SHANK2: variants seen among roughly 807,000 people sequenced by gnomAD.
SHANK2 encodes the protein SH3 and multiple ankyrin repeat domains 2.
A neutral mutation model predicts 133.7 loss-of-function variants in SHANK2; 43 were observed. The ratio of observed to expected loss-of-function variants is 0.32; its 90% CI spans 0.25 to 0.41. The LOEUF is 0.41. Ranked by LOEUF, SHANK2 falls within the 10% of genes least tolerant of loss-of-function variation. The pLI is 1.00. For synonymous variants in SHANK2, 1,017 were observed against 952.8 expected, an observed-to-expected ratio of 1.07 and a Z score of -1.24; for missense variants, 1,994 against 2,235.8, an observed-to-expected ratio of 0.89 and a Z score of 2.18.
chr11:70,644,786 T>C (rs1200458499), intron 17 of SHANK2, among the ~76,000 whole-genome samples: 3 of 152,210 alleles, frequency 2.0e-5, no homozygotes, highest in African/African-American at 7.2e-5. Context: ...TTCCTTCCTT[T>C]ATGCATTCAG....
chr11:70,811,162 T>A (rs1177714401), intron 12 of SHANK2, among the ~76,000 whole-genome samples: 1 of 151,746 alleles, frequency 6.6e-6, no homozygotes, highest in East Asian at 1.9e-4. Flanking sequence ...AAAGGGTGGG[T>A]CAAAGTCTAG....
intron 14 of SHANK2, among the ~76,000 whole-genome samples, chr11:70,766,347 A>G (rs1555041375): frequency 6.6e-6 from 1 of 152,146 alleles, no homozygotes; most frequent in African/African-American, 2.4e-5. Context: ...TGTGTCATGT[A>G]AGCCATGTTC....
intron 19 of SHANK2, 92 bp downstream of exon 19, chr11:70,502,114 G>A: frequency 1.4e-6 from 2 of 1,414,750 alleles, no homozygotes; most frequent in South Asian, 1.2e-5. Context: ...TAGCGAGCAA[G>A]CGTGGGGTCA....
At chr11:70,931,213 G>A (rs2135800780) in intron 10 of SHANK2, among the ~76,000 whole-genome samples, 2 of 152,300 alleles carry the variant, frequency 1.3e-5, no homozygotes, top group East Asian at 3.9e-4. Flanking sequence ...GGGGCTGCAG[G>A]GAGGGAGGTT....
intron 2 of SHANK2, among the ~76,000 whole-genome samples, chr11:71,223,521 C>A (rs925989006): frequency 2.6e-5 from 4 of 152,188 alleles, no homozygotes; most frequent in African/African-American, 9.7e-5. Context: ...GTATCATACA[C>A]AATCTGGAGA....
intron 22 of SHANK2, among the ~76,000 whole-genome samples, 161 bp downstream of exon 22, chr11:70,492,174 A>T (rs2058895525): frequency 6.6e-6 from 1 of 152,368 alleles, no homozygotes; most frequent in South Asian, 2.1e-4. Context: ...GAGTCTGCAC[A>T]GACCCGGCTC....
chr11:70,872,602 C>A lies in SHANK2; in HGVS notation c.1174+23899G>T, dbSNP rs112253956. On this transcript the variant is annotated intron_variant, in intron 11 of 25. Transcript: ENST00000601538. Reference sequence around the variant, plus strand: ...AATAGGGGGCCCCCATACAGAGGGGCCCCCCACAGACCAGAGTCAGGGGCA... The same window carrying A: ...AATAGGGGGCCCCCATACAGAGGGGACCCCCACAGACCAGAGTCAGGGGCA... 2.0e-5 allele frequency among the ~76,000 whole-genome samples: 3 copies of A among 151,896 alleles called. No individual in the cohort carries two copies. The South Asian group carries it at 6.3e-4, about 32-fold the overall frequency.
intron 17 of SHANK2, among the ~76,000 whole-genome samples, chr11:70,568,169 G>C (rs2059990876): frequency 6.6e-6 from 1 of 152,254 alleles, no homozygotes; most frequent in Non-Finnish European, 1.5e-5. Context: ...AACCTAGAAA[G>C]CAGGCCCGCA....
At chr11:70,573,115 TG>T (rs1257461218) in intron 17 of SHANK2, among the ~76,000 whole-genome samples, 1 of 151,854 alleles carries the variant, frequency 6.6e-6, no homozygotes, top group East Asian at 1.9e-4. Flanking sequence ...TCACACTGCC[TG>T]AGAGGAACCA....
intron 3 of SHANK2, among the ~76,000 whole-genome samples, chr11:71,126,450 T>G (rs1270480089): frequency 6.6e-6 from 1 of 152,140 alleles, no homozygotes. Flanking sequence ...TACAAGGAGA[T>G]AAACGTTTTC....
At chr11:70,504,221 TG>T (rs1191839801) in intron 17 of SHANK2, among the ~76,000 whole-genome samples, 1 of 148,272 alleles carries the variant, frequency 6.7e-6, no homozygotes, top group African/African-American at 2.4e-5. Context: ...ACTAAACATC[TG>T]GTATACCCAC....
At chr11:71,079,913 A>AAGGAAGGGGAGGGGAGGGGG in intron 8 of SHANK2, among the ~76,000 whole-genome samples, 4 of 71,868 alleles carry the variant, frequency 5.6e-5, no homozygotes, top group Non-Finnish European at 1.1e-4. Context: ...AGGGGAGGGG[A>AAGGAAGGGGAGGGGAGGGGG]AGGAAGGGGA....
At chr11:70,474,548 AAGGCCTGTGGC>A (rs1555149717) in intron 25 of SHANK2, 1 of 152,228 alleles carries the variant, frequency 6.6e-6, no homozygotes, top group Non-Finnish European at 1.5e-5. Flanking sequence ...GGCTCTGGCC[AAGGCCTGTGGC>A]AGGCACTCTC....
intron 17 of SHANK2, among the ~76,000 whole-genome samples, chr11:70,562,236 C>T (rs2136134623): frequency 6.6e-6 from 1 of 152,342 alleles, no homozygotes; most frequent in South Asian, 2.1e-4. Flanking sequence ...CTTAATAACC[C>T]TTCCAAGTAC....
chr11:71,210,881 A>G (rs1200445291), intron 2 of SHANK2, among the ~76,000 whole-genome samples: 1 of 152,210 alleles, frequency 6.6e-6, no homozygotes, highest in Non-Finnish European at 1.5e-5. Context: ...AGAGAGTGTG[A>G]TGCAGCGCCG....
intron 12 of SHANK2, among the ~76,000 whole-genome samples, chr11:70,808,561 CAAAAAAAAA>C (rs57089863): frequency 1.1e-5 from 1 of 93,140 alleles, no homozygotes; most frequent in East Asian, 3.3e-4. Context: ...CCTATTTCTA[CAAAAAAAAA>C]AAAAAAAAAA....
intron 14 of SHANK2, among the ~76,000 whole-genome samples, chr11:70,710,371 CCT>C (rs2134577980): frequency 6.6e-6 from 1 of 152,318 alleles, no homozygotes; most frequent in East Asian, 1.9e-4. Flanking sequence ...CCCACTGCCC[CCT>C]CTCGGCTATG....
At chr11:70,503,667 C>T (rs1236249350) in intron 17 of SHANK2, among the ~76,000 whole-genome samples, 1 of 152,244 alleles carries the variant, frequency 6.6e-6, no homozygotes, top group African/African-American at 2.4e-5. Flanking sequence ...TTACCTCCTG[C>T]CCTATTTGTC....
intron 11 of SHANK2, among the ~76,000 whole-genome samples, chr11:70,851,703 A>C (rs1949089350): frequency 6.6e-6 from 1 of 152,214 alleles, no homozygotes; most frequent in East Asian, 1.9e-4. Context: ...TAGGATTTTT[A>C]GTTACTCACA....
Sources: gnomAD v4.1 joint callset for allele counts (sites outside exome capture counted in the v4.1 genomes callset) on GRCh38, gnomAD v4.1.1 for gene constraint, MANE v1.5 for transcripts, NCBI Gene and HGNC (gene_info 2026-07-23, HGNC 2026-07-21) for gene names.